The following PTPRK variants were observed in gnomAD, a reference collection of about 807,000 sequenced individuals.
PTPRK encodes the protein receptor-type tyrosine-protein phosphatase kappa.
PTPRK carries 75 observed loss-of-function variants against 178.0 expected under a neutral mutation model. The observed-to-expected ratio is 0.42, with a 90% confidence interval of 0.35 to 0.51. The LOEUF (loss-of-function observed/expected upper bound fraction) is 0.51, where lower values mean the gene tolerates loss of function less well. Ranked by LOEUF, PTPRK falls within the 20% of genes least tolerant of loss-of-function variation. The pLI, the probability that PTPRK is intolerant of heterozygous loss-of-function variation, is 0.02. For synonymous variants in PTPRK, 637 were observed against 620.6 expected (o/e 1.03, Z -0.39); for missense variants, 1,441 against 1,797.8 (o/e 0.80, Z 3.59).
chr6:128,359,362 T>A (rs1328125225), intron 2 of PTPRK, among the ~76,000 whole-genome samples: 1 of 152,186 alleles, frequency 6.6e-6, no homozygotes, highest in Non-Finnish European at 1.5e-5. Flanking sequence ...ATTCTCTGTA[T>A]AGTGGTATAC....
chr6:128,029,428 G>A (rs1289408368), intron 13 of PTPRK, among the ~76,000 whole-genome samples: 1 of 151,890 alleles, frequency 6.6e-6, no homozygotes, highest in Non-Finnish European at 1.5e-5. Context: ...GGAGGCTGAG[G>A]CAGGTGGATC....
chr6:128,261,786 T>C (rs1021911073), intron 3 of PTPRK, among the ~76,000 whole-genome samples: 2 of 152,116 alleles, frequency 1.3e-5, no homozygotes, highest in African/African-American at 4.8e-5. Context: ...TTTGACAAAT[T>C]TGGGCAATAG....
intron 1 of PTPRK, among the ~76,000 whole-genome samples, chr6:128,446,729 C>CA (rs1847081082): frequency 6.6e-6 from 1 of 152,270 alleles, no homozygotes; most frequent in East Asian, 1.9e-4. Flanking sequence ...AGCAATGCTT[C>CA]AAGCACTCTG....
chr6:128,223,903 A>G (rs1050799765), intron 5 of PTPRK, among the ~76,000 whole-genome samples: 1 of 152,212 alleles, frequency 6.6e-6, no homozygotes, highest in Non-Finnish European at 1.5e-5. Flanking sequence ...GTTCCTATCC[A>G]ACAAATTGAT....
chr6:128,294,245 T>G (rs1253311269), intron 3 of PTPRK, among the ~76,000 whole-genome samples: 1 of 152,092 alleles, frequency 6.6e-6, no homozygotes, highest in Non-Finnish European at 1.5e-5. Flanking sequence ...AGCAGATTAT[T>G]TTATTATTCC....
intron 1 of PTPRK, among the ~76,000 whole-genome samples, chr6:128,497,276 A>G (rs1854816940): frequency 1.3e-5 from 2 of 152,160 alleles, no homozygotes; most frequent in African/African-American, 2.4e-5. Context: ...CTTTTAAACT[A>G]TATTTAATTT....
intron 2 of PTPRK, among the ~76,000 whole-genome samples, chr6:128,396,462 TA>T (rs1019227413): frequency 2.0e-5 from 3 of 151,922 alleles, no homozygotes; most frequent in African/African-American, 7.2e-5. Flanking sequence ...GTTTACATTT[TA>T]ATGTCACAAT....
chr6:128,010,607 G>T (rs1056632253), intron 13 of PTPRK, among the ~76,000 whole-genome samples: 1 of 151,150 alleles, frequency 6.6e-6, no homozygotes, highest in African/African-American at 2.4e-5. Context: ...CTCAAAGTAA[G>T]AAATCTGAAA....
chr6:127,996,114 CTT>C (rs1777119948), intron 17 of PTPRK, among the ~76,000 whole-genome samples: 1 of 152,010 alleles, frequency 6.6e-6, no homozygotes, highest in Non-Finnish European at 1.5e-5. Context: ...CTGATAATGA[CTT>C]TATTATCCCG....
At chr6:128,222,911 C>T (rs1810665857) in intron 5 of PTPRK, among the ~76,000 whole-genome samples, 1 of 152,150 alleles carries the variant, frequency 6.6e-6, no homozygotes. Flanking sequence ...GTGACCTGAT[C>T]TATGGTATCT....
chr6:128,287,479 C>T (rs972328204), intron 3 of PTPRK, among the ~76,000 whole-genome samples: 1 of 152,208 alleles, frequency 6.6e-6, no homozygotes, highest in South Asian at 2.1e-4. Flanking sequence ...AACCTCCTTT[C>T]ACTGTCTGCT....
intron 7 of PTPRK, among the ~76,000 whole-genome samples, chr6:128,183,582 G>A (rs369440255): frequency 7.2e-6 from 1 of 139,744 alleles, no homozygotes; most frequent in African/African-American, 3.4e-5. Flanking sequence ...GTTTTGCTTG[G>A]ATGGTAGCTC....
chr6:128,515,341 T>TACTG (rs1857812663), intron 1 of PTPRK, among the ~76,000 whole-genome samples: 1 of 152,214 alleles, frequency 6.6e-6, no homozygotes, highest in Non-Finnish European at 1.5e-5. Context: ...TGTTATCAAA[T>TACTG]ACTGTTTTAA....
chr6:128,420,246 T>C (rs534925288), intron 1 of PTPRK, among the ~76,000 whole-genome samples: 1 of 152,222 alleles, frequency 6.6e-6, no homozygotes, highest in Non-Finnish European at 1.5e-5. Flanking sequence ...AGAAAAAATA[T>C]AAATTGTCTC....
chr6:128,004,177 T>C (rs1157762766), intron 15 of PTPRK, among the ~76,000 whole-genome samples: 1 of 151,878 alleles, frequency 6.6e-6, no homozygotes, highest in Non-Finnish European at 1.5e-5. Context: ...ATCTCTGCGA[T>C]CTGAGCCAAA....
In PTPRK at chr6:127,991,205, T is replaced by C. The variant is rs1340072610; in HGVS notation, c.2979+89A>G. 7 of 1,008,932 alleles carry C rather than the reference T, an allele frequency of 6.9e-6. No individual in the cohort carries two copies. The Admixed American group carries it at 1.4e-4, about 19-fold the overall frequency. The allele number at this position is 1,008,932 out of a possible 1,614,324, so 62.5% of individuals were successfully genotyped here. A position where few individuals can be genotyped will look rare whatever the true frequency, so the allele number is the denominator to read the frequency against. ...TGTGCCTATAATTTTTTTTAAACAA[T>C]TGGATGATATTCTATTTTGAGTGTC... On this transcript the variant is annotated intron_variant, in intron 20 of 29. Coordinates refer to ENST00000368226, the MANE Select transcript of PTPRK (RefSeq NM_002844.4).
rs190718494 is a variant in PTPRK at position 128,061,053 on chromosome 6, T to G, written c.2194+3705A>C. On this transcript the variant is annotated intron_variant, in intron 13 of 29. Coordinates refer to ENST00000368226, the MANE Select transcript of PTPRK (RefSeq NM_002844.4). ...ATGACTCTCACTCTGTATTTGTCCC[T>G]GGCATATAGTGATGTATAAGACTAT... 3.3e-5 allele frequency among the ~76,000 whole-genome samples: 5 copies of G among 152,330 alleles called. 1 individual carries two copies. Among genetic ancestry groups the G allele is most frequent in the Admixed American group, 3.3e-4 (5 of 15,294 alleles).
intron 3 of PTPRK, among the ~76,000 whole-genome samples, chr6:128,256,679 G>A (rs1015375306): frequency 6.6e-5 from 10 of 151,506 alleles, no homozygotes; most frequent in Admixed American, 1.3e-4. Flanking sequence ...CTCGTGATCC[G>A]CCCGCCTCAG....
intron 1 of PTPRK, among the ~76,000 whole-genome samples, chr6:128,411,728 A>G (rs1159597959): frequency 6.6e-6 from 1 of 152,222 alleles, no homozygotes; most frequent in African/African-American, 2.4e-5. Flanking sequence ...AAATTACTTA[A>G]CACAGTTCAC....
Sources: allele counts gnomAD v4.1 joint callset (sites outside exome capture counted in the v4.1 genomes callset), GRCh38; gene constraint gnomAD v4.1.1; transcripts MANE v1.5; gene names NCBI Gene and HGNC (gene_info 2026-07-23, HGNC 2026-07-21).